The following CATSPERD variants were observed in gnomAD, a reference collection of about 807,000 sequenced individuals.
CATSPERD encodes the protein cation channel sperm-associated auxiliary subunit delta.
In CATSPERD, 86 loss-of-function variants were observed where a neutral mutation model predicts 98.1. The observed-to-expected ratio is 0.88, with a 90% CI of 0.74 to 1.05. The LOEUF is 1.05. CATSPERD is among the 50% of genes least tolerant of loss of function. CATSPERD has a pLI of 0.00. For synonymous variants in CATSPERD, 394 were observed against 390.2 expected (o/e 1.01, Z -0.12); for missense variants, 995 against 1,005.7 (o/e 0.99, Z 0.14).
intron 4 of CATSPERD, among the ~76,000 whole-genome samples, chr19:5,731,732 C>T (rs1173885548): frequency 7.3e-5 from 11 of 150,226 alleles, no homozygotes; most frequent in African/African-American, 2.2e-4. Context: ...CCCGCCACCG[C>T]GCCCGGCTAA....
At chr19:5,754,523 C>T (rs566822123) in intron 13 of CATSPERD, among the ~76,000 whole-genome samples, 5 of 151,704 alleles carry the variant, frequency 3.3e-5, no homozygotes, top group Middle Eastern at 3.4e-3. Context: ...CTCAGCCTCC[C>T]GAGTAGCTGG....
intron 2 of CATSPERD, among the ~76,000 whole-genome samples, chr19:5,726,302 G>T (rs1331346677): frequency 1.3e-5 from 2 of 152,056 alleles, no homozygotes; most frequent in Non-Finnish European, 2.9e-5. Context: ...CTGACCTCAT[G>T]ATCTGCCCAC....
chr19:5,772,214 ATTTTTTTTTTTTTTTTT>A lies in CATSPERD; in HGVS notation c.1764-559_1764-543del, dbSNP rs35847357. ...AGTTGCATACCACAATGCCCGGTTA[ATTTTTTTTTTTTTTTTT>A]TTTTTTTTTTTTTTGAGACAGAGTC... On this transcript the variant is annotated intron_variant, in intron 19 of 21. Transcript: ENST00000381624. 23 of 154,406 alleles carry A rather than the reference ATTTTTTTTTTTTTTTTT, an allele frequency of 1.5e-4. No individual in the cohort carries two copies. The East Asian group carries it at 1.5e-3, about 10-fold the overall frequency. 9.6% of individuals were successfully genotyped at this position (154,406 alleles called of 1,614,324 possible). A position where few individuals can be genotyped will look rare whatever the true frequency, so the allele number is the denominator to read the frequency against.
chr19:5,749,584 G>A lies in CATSPERD; in HGVS notation c.987+401G>A, dbSNP rs184645672. Among the ~76,000 whole-genome samples the A allele has an allele frequency of 6.0e-3, 916 of 152,196 alleles. 7 individuals are homozygous for A. Among genetic ancestry groups the A allele is most frequent in the Non-Finnish European group, 9.8e-3 (665 of 68,016 alleles). The stretch of plus-strand genomic sequence containing the variant: ...CAACAACAACAACAGCAGCTAAAAG[G>A]GGAAGAGTATTTAAAATACTATAGG... On this transcript the variant is annotated intron_variant, in intron 11 of 21. Transcript: ENST00000381624.
chr19:5,739,510 T>C lies in CATSPERD; in HGVS notation c.573+71T>C, dbSNP rs1459194185. On this transcript the variant is annotated intron_variant, in intron 7 of 21. Coordinates refer to ENST00000381624, the MANE Select transcript of CATSPERD (RefSeq NM_152784.4). ...TTGTGATTGTAGTAATTGCTGTCAA[T>C]GGGTGCGTGAGGGTGTTTTCCTCTT... The C allele has an allele frequency of 4.5e-6, 4 of 891,260 alleles. No homozygotes were observed. In the African/African-American group the frequency reaches 5.2e-5, roughly 11 times the overall value. The allele number at this position is 891,260 out of a possible 1,614,324, so 55.2% of individuals were successfully genotyped here.
intron 6 of CATSPERD, among the ~76,000 whole-genome samples, chr19:5,738,741 G>A (rs570947759): frequency 9.2e-5 from 14 of 152,114 alleles, no homozygotes; most frequent in African/African-American, 3.4e-4. Context: ...ACAGCACCAC[G>A]CCTGGCTAAT....
At chr19:5,754,286 C>T in intron 13 of CATSPERD, 41 bp downstream of exon 13, 1 of 1,437,960 alleles carries the variant, frequency 7.0e-7, no homozygotes, top group Non-Finnish European at 9.8e-7. Flanking sequence ...GGATTCTCAG[C>T]CACATGCCTG....
chr19:5,769,814 C>A (rs1464690097), intron 18 of CATSPERD, among the ~76,000 whole-genome samples: 2 of 152,068 alleles, frequency 1.3e-5, no homozygotes, highest in South Asian at 2.1e-4. Context: ...TTTGGCCGGG[C>A]AGGGTGGCTC....
rs540826986 is a variant in CATSPERD at position 5,766,016 on chromosome 19, C to T, written c.1507-87C>T. 1.6e-5 allele frequency: 16 copies of T among 996,278 alleles called. No homozygotes were observed. In the African/African-American group the frequency reaches 2.6e-4, roughly 16 times the overall value. 61.7% of individuals were successfully genotyped at this position (996,278 alleles called of 1,614,324 possible). On this transcript the variant is annotated intron_variant, in intron 16 of 21. Transcript: ENST00000381624. The stretch of plus-strand genomic sequence containing the variant: ...GGCCACATGGTTTCCAAACCATTCC[C>T]ACAGGAGTGTGTCCCTGTATAGGGT...
chr19:5,743,435 T>TA (rs554033688), intron 7 of CATSPERD, among the ~76,000 whole-genome samples: 238 of 151,654 alleles, frequency 1.6e-3, no homozygotes, highest in Non-Finnish European at 2.2e-3. Context: ...CCGTTTCTAC[T>TA]AAAAAAACAG....
intron 13 of CATSPERD, among the ~76,000 whole-genome samples, chr19:5,756,435 A>G (rs2056325620): frequency 6.6e-6 from 1 of 152,220 alleles, no homozygotes. Context: ...ATCTACCGAA[A>G]GCCACTGAAT....
intron 1 of CATSPERD, among the ~76,000 whole-genome samples, chr19:5,722,892 C>T (rs2055521409): frequency 1.3e-5 from 2 of 151,982 alleles, no homozygotes; most frequent in African/African-American, 2.4e-5. Flanking sequence ...TGTGAAGGAG[C>T]CTTTAGAAAT....
At chr19:5,739,289 C>G in intron 6 of CATSPERD, 37 bp from the exon 7 acceptor site, 1 of 1,185,480 alleles carries the variant, frequency 8.4e-7, no homozygotes, top group Non-Finnish European at 1.2e-6. Flanking sequence ...TTGCTGGCAT[C>G]TTTCTTTCAT....
chr19:5,770,900 A>G, intron 18 of CATSPERD, 44 bp from the exon 19 acceptor site: 1 of 1,564,638 alleles, frequency 6.4e-7, no homozygotes, highest in Non-Finnish European at 8.6e-7. Context: ...CAGACTGGGC[A>G]GGAACTCACA....
At position 5,724,813 on chromosome 19, in the gene CATSPERD, G is replaced by C. The variant is rs774070564; in HGVS notation, c.77G>C (p.Arg26Pro). 8 of 1,613,658 alleles carry C rather than the reference G, an allele frequency of 5.0e-6. No homozygotes were observed. The South Asian group carries it at 7.7e-5, about 16-fold the overall frequency. Residue 26 changes from arginine (R) to proline (P), a missense_variant, in exon 2 of 22, where the codon CGC becomes CCC. Coordinates refer to ENST00000381624, the MANE Select transcript of CATSPERD (RefSeq NM_152784.4). ...GTCTTTCTTGTCACTTCTAGTTCTC[G>C]CACAGTGAGGACAGGAAAAGTGTTT... ...PLVTAQLCRS[R>P]TVRTGKVFNL...
At chr19:5,759,650 C>T (rs1441365814) in intron 15 of CATSPERD, among the ~76,000 whole-genome samples, 1 of 150,806 alleles carries the variant, frequency 6.6e-6, no homozygotes, top group Non-Finnish European at 1.5e-5. Context: ...GATATTTGCA[C>T]ACCTGTGCTC....
chr19:5,768,282 G>A (rs747394634), intron 18 of CATSPERD, 40 bp downstream of exon 18: 12 of 1,543,022 alleles, frequency 7.8e-6, no homozygotes, highest in African/African-American at 2.7e-5. Context: ...CACCCAAGGC[G>A]ACCATTGGGC....
intron 17 of CATSPERD, 133 bp downstream of exon 17, chr19:5,766,288 T>A (rs1313999744): frequency 5.1e-6 from 1 of 195,850 alleles, no homozygotes; most frequent in Non-Finnish European, 8.4e-6. Context: ...CCGTCTCTAC[T>A]GAAAAAAAAA....
In CATSPERD at chr19:5,737,831, CAA is replaced by C. The variant is rs544843625; in HGVS notation, c.459+627_459+628del. Among the ~76,000 whole-genome samples the C allele has an allele frequency of 6.6e-5, 9 of 135,344 alleles. No individual in the cohort carries two copies. The South Asian group carries it at 6.9e-4, about 10-fold the overall frequency. 88.8% of individuals were successfully genotyped at this position (135,344 alleles called of 152,430 possible). On this transcript the variant is annotated intron_variant, in intron 6 of 21. Transcript: ENST00000381624. ...CACCATTGCACTCCAGCCTGGGCAA[CAA>C]GAGTGAAACTCCATCTCAAAAAAAA...
Sources: gnomAD v4.1 joint callset for allele counts (sites outside exome capture counted in the v4.1 genomes callset) on GRCh38, gnomAD v4.1.1 for gene constraint, MANE v1.5 for transcripts, NCBI Gene and HGNC (gene_info 2026-07-23, HGNC 2026-07-21) for gene names.